Variants in MED22 observed in about 807,000 individuals in gnomAD.
MED22 encodes mediator complex subunit 22.
MED22 carries 22 observed loss-of-function variants against 22.7 expected under a neutral mutation model. That is an observed-to-expected ratio of 0.97 (90% CI 0.69 to 1.38). MED22 has a LOEUF of 1.38. Ranked by LOEUF, MED22 falls within the 40% of genes most tolerant of loss-of-function variation. MED22 has a pLI of 0.00. For missense variants in MED22, 247 were observed against 263.0 expected, an observed-to-expected ratio of 0.94 and a Z score of 0.42; for synonymous variants, 134 against 119.4, an observed-to-expected ratio of 1.12 and a Z score of -0.80.
At position 133,341,553 on chromosome 9, in the gene MED22, G is replaced by T; in HGVS notation, c.555C>A (p.Ala185=). The change falls in exon 5 of 5, where the codon GCC becomes GCA. Residue 185 remains alanine, a synonymous_variant. Coordinates refer to ENST00000343730, the MANE Select transcript of MED22 (RefSeq NM_133640.5). ...GGCCACCAGCATGGGAGTGGGCAGG[G>T]GCTGCCACCTGTAGGGGGCCAGCAC... ...EPSAGPLQVA[A]PAHSHAGGPG... is the part of the protein sequence containing the mutation. 6.4e-7 allele frequency: 1 copy of T among 1,555,078 alleles called. No individual in the cohort carries two copies. The highest frequency in any genetic ancestry group is 8.6e-7 in the Non-Finnish European group (1 of 1,159,018).
intron 2 of MED22, among the ~76,000 whole-genome samples, chr9:133,346,252 C>T (rs1168078996): frequency 6.6e-6 from 1 of 152,164 alleles, no homozygotes; most frequent in Admixed American, 6.5e-5. Flanking sequence ...TGGCTGTGTG[C>T]CAGGCCCCGA....
At chr9:133,347,705 G>A (rs2129973311) in intron 1 of MED22, 1 of 155,404 alleles carries the variant, frequency 6.4e-6, no homozygotes, top group African/African-American at 2.4e-5. Context: ...GGTGCTCAGG[G>A]AGGGCCCGGG....
chr9:133,342,600 A>G, intron 4 of MED22: 1 of 986,378 alleles, frequency 1.0e-6, no homozygotes, highest in South Asian at 4.7e-5. Context: ...GACCAGCAAG[A>G]AGGGGCAGAG....
intron 4 of MED22, chr9:133,343,159 A>C: frequency 1.9e-6 from 2 of 1,051,806 alleles, no homozygotes; most frequent in Non-Finnish European, 2.3e-6. Context: ...AGGGCAGGGA[A>C]ACCAAGCCCC....
intron 4 of MED22, chr9:133,342,718 A>G: frequency 1.0e-6 from 1 of 986,020 alleles, no homozygotes; most frequent in Non-Finnish European, 1.2e-6. Flanking sequence ...TGTGGACAGG[A>G]GGCCTGCGGG....
intron 2 of MED22, among the ~76,000 whole-genome samples, chr9:133,345,642 T>C (rs1410631237): frequency 2.2e-5 from 3 of 138,892 alleles, no homozygotes; most frequent in Admixed American, 7.1e-5. Context: ...ATGATTTAAG[T>C]TTTTTTTCGC....
At chr9:133,344,800 A>G (rs2129962864) in intron 3 of MED22, among the ~76,000 whole-genome samples, 23 of 152,250 alleles carry the variant, frequency 1.5e-4, no homozygotes, top group African/African-American at 4.1e-4. Context: ...AAGGAATCCA[A>G]TGGCGCCTAC....
At chr9:133,344,403 G>T in intron 3 of MED22, 70 bp from the exon 4 acceptor site, 1 of 1,517,240 alleles carries the variant, frequency 6.6e-7, no homozygotes, top group African/African-American at 1.4e-5. Context: ...AGTAGCTGAT[G>T]CTGGGCAAGG....
At position 133,339,480 on chromosome 9, in the gene MED22, A is replaced by T. The variant is rs1307445241; in HGVS notation, c.*2025T>A. 5.7e-6 allele frequency: 4 copies of T among 696,024 alleles called. No individual in the cohort carries two copies. Among genetic ancestry groups the T allele is most frequent in the Non-Finnish European group, 7.9e-6 (3 of 380,470 alleles). The allele number at this position is 696,024 out of a possible 1,614,324, so 43.1% of individuals were successfully genotyped here. ...TCATGGCATCGTGGGTGTTAAAAAA[A>T]TAAAAGACCTCTGGACTAGAAAGAA... On this transcript the variant is annotated 3_prime_UTR_variant, in exon 5 of 5. Transcript: ENST00000343730.
At position 133,339,242 on chromosome 9, in the gene MED22, CAA is replaced by C. The variant is rs1835955567; in HGVS notation, c.*2261_*2262del. On this transcript the variant is annotated 3_prime_UTR_variant, in exon 5 of 5. Transcript: ENST00000343730. ...AAACAAGTAAGGGCAAGATTCTTGC[CAA>C]GAGAATGAATGTGCATATTCAGCAC... is the stretch of plus-strand genomic sequence containing the variant. The C allele has an allele frequency of 1.4e-6, 1 of 690,616 alleles. No homozygotes were observed. Among genetic ancestry groups the C allele is most frequent in the African/African-American group, 1.8e-5 (1 of 56,938 alleles). 42.8% of individuals were successfully genotyped at this position (690,616 alleles called of 1,614,324 possible). A position where few individuals can be genotyped will look rare whatever the true frequency, so the allele number is the denominator to read the frequency against.
At chr9:133,343,728 C>G (rs1588679252) in intron 4 of MED22, 2 of 1,293,528 alleles carry the variant, frequency 1.5e-6, no homozygotes, top group East Asian at 5.5e-5. Flanking sequence ...CCAAAAAAGG[C>G]TGGCCCAGCC....
chr9:133,342,504 C>G (rs1836036480), intron 4 of MED22: 2 of 986,888 alleles, frequency 2.0e-6, no homozygotes, highest in Non-Finnish European at 2.4e-6. Flanking sequence ...GAGCAACTAA[C>G]AAGCAGAGAG....
In MED22 at chr9:133,340,632, G is replaced by A. The variant is rs1835979228; in HGVS notation, c.*873C>T. 6.6e-6 allele frequency: 1 copy of A among 152,254 alleles called. No homozygotes were observed. The highest frequency in any genetic ancestry group is 1.5e-5 in the Non-Finnish European group (1 of 68,078). 9.4% of individuals were successfully genotyped at this position (152,254 alleles called of 1,614,324 possible). A position where few individuals can be genotyped will look rare whatever the true frequency, so the allele number is the denominator to read the frequency against. ...CCGTGGTACACCTCACCCCTTCTAA[G>A]TCCACATCCTCTCCTCTCTAAAATA... On this transcript the variant is annotated 3_prime_UTR_variant, in exon 5 of 5. Coordinates refer to ENST00000343730, the MANE Select transcript of MED22 (RefSeq NM_133640.5).
At position 133,344,303 on chromosome 9, in the gene MED22, C is replaced by G; in HGVS notation, c.235G>C (p.Val79Leu). ...ATCAGGAACTGCTTGAGGTCGGACA[C>G]CAGCTTCATCAGGGACTCGCCGGCT... ...VRAGESLMKL[V>L]SDLKQFLILN... is the part of the protein sequence containing the mutation. Residue 79 changes from valine (V) to leucine (L), a missense_variant, in exon 4 of 5, where the codon GTG becomes CTG. By Grantham distance (32) the Val-to-Leu change is conservative (BLOSUM62 1). Transcript: ENST00000343730. 6.2e-7 allele frequency: 1 copy of G among 1,614,164 alleles called. No homozygotes were observed.
chr9:133,341,561 C>A lies in MED22; in HGVS notation c.547G>T (p.Val183Leu). ...GCATGGGAGTGGGCAGGGGCTGCCA[C>A]CTGTAGGGGGCCAGCACTGGGCTCC... ...SPEPSAGPLQ[V>L]AAPAHSHAGG... The change falls in exon 5 of 5, where the codon GTG becomes TTG. Residue 183 changes from valine (V) to leucine (L), a missense_variant. By Grantham distance (32) the Val-to-Leu change is conservative. Coordinates refer to ENST00000343730, the MANE Select transcript of MED22 (RefSeq NM_133640.5). The A allele has an allele frequency of 1.3e-6, 2 of 1,559,992 alleles. No individual in the cohort carries two copies. Among genetic ancestry groups the A allele is most frequent in the Admixed American group, 4.2e-5 (2 of 47,370 alleles).
chr9:133,344,725 T>C (rs1008692702), intron 3 of MED22, among the ~76,000 whole-genome samples: 1 of 152,236 alleles, frequency 6.6e-6, no homozygotes, highest in African/African-American at 2.4e-5. Flanking sequence ...CCTTTTTCCA[T>C]GCATTTTGAG....
At chr9:133,346,517 T>C (rs2129968452) in intron 2 of MED22, 23 bp downstream of exon 2, 104 of 1,611,364 alleles carry the variant, frequency 6.5e-5, no homozygotes, top group Non-Finnish European at 8.1e-5. Flanking sequence ...TCTGCTCCCC[T>C]TGGTGGGCCA....
At chr9:133,344,476 A>C in intron 3 of MED22, 143 bp from the exon 4 acceptor site, 1 of 761,672 alleles carries the variant, frequency 1.3e-6, no homozygotes, top group East Asian at 2.7e-5. Flanking sequence ...CCTGACCTCC[A>C]CAGGTTCATG....
intron 4 of MED22, chr9:133,342,609 AG>A: frequency 1.0e-6 from 1 of 986,396 alleles, no homozygotes; most frequent in South Asian, 4.7e-5. Context: ...GAAGGGGCAG[AG>A]GAAACTCGGC....
Sources: allele counts gnomAD v4.1 joint callset (sites outside exome capture counted in the v4.1 genomes callset), GRCh38; gene constraint gnomAD v4.1.1; transcripts MANE v1.5; gene names NCBI Gene and HGNC (gene_info 2026-07-23, HGNC 2026-07-21).